The following CDH18 variants were observed in gnomAD, a reference collection of about 807,000 sequenced individuals.
The protein encoded by CDH18 is cadherin 18.
A neutral mutation model predicts 67.9 loss-of-function variants in CDH18; 31 were observed. The ratio of observed to expected loss-of-function variants is 0.46; its 90% CI spans 0.34 to 0.62. The LOEUF (loss-of-function observed/expected upper bound fraction) is 0.62, where lower values mean the gene tolerates loss of function less well. CDH18 is among the 20% of genes least tolerant of loss of function. CDH18 has a pLI of 0.01. For synonymous variants in CDH18, 362 were observed against 347.2 expected, an observed-to-expected ratio of 1.04 and a Z score of -0.48; for missense variants, 890 against 975.5, an observed-to-expected ratio of 0.91 and a Z score of 1.17.
At chr5:20,221,978 C>T (rs1741262836) in intron 2 of CDH18, among the ~76,000 whole-genome samples, 1 of 152,076 alleles carries the variant, frequency 6.6e-6, no homozygotes, top group African/African-American at 2.4e-5. Context: ...CTGTGAAATG[C>T]CCCAGTTCTT....
intron 2 of CDH18, among the ~76,000 whole-genome samples, chr5:20,048,144 G>T (rs1741071006): frequency 1.3e-5 from 2 of 151,472 alleles, no homozygotes; most frequent in Admixed American, 6.6e-5. Context: ...AAAGTAGGCT[G>T]AAATAATTAA....
At chr5:19,699,642 C>CTG (rs70950085) in intron 5 of CDH18, among the ~76,000 whole-genome samples, 15,480 of 144,474 alleles carry the variant, frequency 0.11, 1,614 homozygotes, top group East Asian at 0.27. Context: ...GTGTGTGTGT[C>CTG]TGTGTGTGTG....
chr5:19,638,992 T>G (rs1306939881), intron 5 of CDH18, among the ~76,000 whole-genome samples: 2 of 100,646 alleles, frequency 2.0e-5, no homozygotes, highest in African/African-American at 6.9e-5. Context: ...TTTTTTTTTT[T>G]TTTTTTTTTT....
chr5:20,497,279 A>G (rs1753968572), intron 1 of CDH18, among the ~76,000 whole-genome samples: 1 of 152,160 alleles, frequency 6.6e-6, no homozygotes, highest in African/African-American at 2.4e-5. Flanking sequence ...GAATTAACTA[A>G]TACAGAACAA....
At chr5:20,193,157 T>C (rs1336270161) in intron 2 of CDH18, among the ~76,000 whole-genome samples, 2 of 152,110 alleles carry the variant, frequency 1.3e-5, no homozygotes, top group East Asian at 1.9e-4. Flanking sequence ...TGCTTGTCTA[T>C]TGTTGGTGTG....
chr5:19,636,313 C>T (rs1465568948), intron 5 of CDH18, among the ~76,000 whole-genome samples: 1 of 151,882 alleles, frequency 6.6e-6, no homozygotes, highest in African/African-American at 2.4e-5. Flanking sequence ...GCTACCTCTA[C>T]ATAATTAACA....
chr5:19,854,739 T>C (rs974838931), intron 2 of CDH18, among the ~76,000 whole-genome samples: 2 of 152,240 alleles, frequency 1.3e-5, no homozygotes, highest in African/African-American at 4.8e-5. Context: ...TAGGAGTGTA[T>C]AGTAGGCTAC....
chr5:20,264,009 A>G (rs763516809), intron 1 of CDH18, among the ~76,000 whole-genome samples: 2 of 152,148 alleles, frequency 1.3e-5, no homozygotes, highest in Non-Finnish European at 2.9e-5. Context: ...ATTAAAATGT[A>G]TTTCTTTTTC....
intron 7 of CDH18, among the ~76,000 whole-genome samples, chr5:19,588,622 G>A (rs1744598737): frequency 6.6e-6 from 1 of 151,906 alleles, no homozygotes; most frequent in Non-Finnish European, 1.5e-5. Flanking sequence ...TGGAGAAAGA[G>A]CCAAGAGCCA....
intron 2 of CDH18, among the ~76,000 whole-genome samples, chr5:20,236,111 C>T (rs2126524393): frequency 6.6e-6 from 1 of 151,998 alleles, no homozygotes; most frequent in South Asian, 2.1e-4. Flanking sequence ...TGAAAATCTA[C>T]CTGTTGGGTA....
At chr5:19,939,161 A>G (rs960105391) in intron 2 of CDH18, among the ~76,000 whole-genome samples, 3 of 151,366 alleles carry the variant, frequency 2.0e-5, no homozygotes, top group Non-Finnish European at 4.4e-5. Flanking sequence ...TTTTTTGTTA[A>G]TTTTACCAAT....
intron 5 of CDH18, among the ~76,000 whole-genome samples, chr5:19,700,633 A>G (rs528347490): frequency 6.6e-6 from 1 of 152,296 alleles, no homozygotes; most frequent in South Asian, 2.1e-4. Flanking sequence ...TGACTGCTTC[A>G]CAAACTAAGA....
At chr5:19,769,141 A>G (rs1031153655) in intron 3 of CDH18, among the ~76,000 whole-genome samples, 2 of 152,000 alleles carry the variant, frequency 1.3e-5, no homozygotes, top group South Asian at 4.1e-4. Flanking sequence ...CAGAAAGAAC[A>G]CTTGAAGATA....
chr5:19,905,027 T>C (rs1259900708), intron 2 of CDH18, among the ~76,000 whole-genome samples: 1 of 152,126 alleles, frequency 6.6e-6, no homozygotes, highest in Non-Finnish European at 1.5e-5. Flanking sequence ...TTCTCCATAC[T>C]GATAAAGAAC....
chr5:20,159,518 C>T (rs1751813315), intron 2 of CDH18, among the ~76,000 whole-genome samples: 1 of 152,136 alleles, frequency 6.6e-6, no homozygotes, highest in Non-Finnish European at 1.5e-5. Flanking sequence ...ATAAATAACT[C>T]TTTTGTACGT....
At chr5:20,467,602 G>A (rs1198268984) in intron 1 of CDH18, among the ~76,000 whole-genome samples, 1 of 152,112 alleles carries the variant, frequency 6.6e-6, no homozygotes, top group Non-Finnish European at 1.5e-5. Context: ...GATGAATTTG[G>A]CATTCACTCT....
intron 2 of CDH18, among the ~76,000 whole-genome samples, chr5:19,952,194 C>G (rs139512496): frequency 0.01 from 1,589 of 152,178 alleles, 25 homozygotes; most frequent in Non-Finnish European, 0.012. Context: ...GGATTACAGG[C>G]ACCCGCCACC....
At chr5:19,897,370 A>G (rs1171834419) in intron 2 of CDH18, among the ~76,000 whole-genome samples, 3 of 152,182 alleles carry the variant, frequency 2.0e-5, no homozygotes, top group Non-Finnish European at 4.4e-5. Context: ...GAAGACCACA[A>G]GGTGATACCA....
intron 10 of CDH18, among the ~76,000 whole-genome samples, chr5:19,509,027 C>T (rs1056063413): frequency 6.6e-6 from 1 of 151,766 alleles, no homozygotes. Context: ...TGTAAGCCAC[C>T]ATGCCTAATT....
Sources: gnomAD v4.1 joint callset for allele counts (sites outside exome capture counted in the v4.1 genomes callset) on GRCh38, gnomAD v4.1.1 for gene constraint, MANE v1.5 for transcripts, NCBI Gene and HGNC (gene_info 2026-07-23, HGNC 2026-07-21) for gene names.